GRID1: variants seen among roughly 807,000 people sequenced by gnomAD.
GRID1 encodes the protein glutamate ionotropic receptor delta type subunit 1, also known as glutamate receptor ionotropic, delta-1.
Under a neutral mutation model 98.0 loss-of-function variants are expected in GRID1, and 28 were observed. The observed-to-expected ratio is 0.29, with a 90% CI of 0.21 to 0.39. The LOEUF (loss-of-function observed/expected upper bound fraction) is 0.39. GRID1 is among the 10% of genes least tolerant of loss of function. The pLI, the probability that GRID1 is intolerant of heterozygous loss-of-function variation, is 1.00. For missense variants in GRID1, 1,111 were observed against 1,340.5 expected, an observed-to-expected ratio of 0.83 and a Z score of 2.67; for synonymous variants, 553 against 538.5, an observed-to-expected ratio of 1.03 and a Z score of -0.37.
At position 86,195,499 on chromosome 10, in the gene GRID1, C is replaced by A. The variant is rs1441164703; in HGVS notation, c.520+10865G>T. ...GACATTAGAAGCCTCTGCAAATTCT[C>A]TCTGGATGTGTGAAGGAAATAAACA... On this transcript the variant is annotated intron_variant, in intron 3 of 15. Coordinates refer to ENST00000327946, the MANE Select transcript of GRID1 (RefSeq NM_017551.3). The surrounding 1 kb of genome is among the most constrained non-coding windows in gnomAD (Gnocchi z 4.4). Among the ~76,000 whole-genome samples the A allele has an allele frequency of 6.6e-6, 1 of 152,128 alleles. No homozygotes were observed. The highest frequency in any genetic ancestry group is 1.5e-5 in the Non-Finnish European group (1 of 67,978).
At chr10:86,119,837 C>T (rs1844640272) in intron 4 of GRID1, among the ~76,000 whole-genome samples, 1 of 152,138 alleles carries the variant, frequency 6.6e-6, no homozygotes, top group African/African-American at 2.4e-5. Context: ...GTCGCCCAGG[C>T]TGGAGTGCAG....
Position 86,023,852 on chromosome 10 carries a change from C to T in GRID1, c.727-107613G>A, listed in dbSNP as rs184176262. On this transcript the variant is annotated intron_variant, in intron 4 of 15. Transcript: ENST00000327946. ...AATCAAGTAAGTTCCCTTCCTGTCC[C>T]GGCACTACACATGACAAGGGCCTCA... Among the ~76,000 whole-genome samples, 115 of 152,222 alleles carry T rather than the reference C, an allele frequency of 7.6e-4. 2 individuals carry two copies. The highest frequency in any genetic ancestry group is 3.7e-3 in the Admixed American group (57 of 15,286).
At chr10:85,700,603 G>T (rs1841440109) in intron 12 of GRID1, among the ~76,000 whole-genome samples, 1 of 152,126 alleles carries the variant, frequency 6.6e-6, no homozygotes, top group South Asian at 2.1e-4. Context: ...TTTTTCAAAT[G>T]ACTCTGCTGT....
chr10:85,795,741 A>G (rs1842520540), intron 8 of GRID1, among the ~76,000 whole-genome samples: 1 of 152,206 alleles, frequency 6.6e-6, no homozygotes, highest in African/African-American at 2.4e-5. Flanking sequence ...GCCAAGACAG[A>G]TTACAAAGAA....
intron 12 of GRID1, among the ~76,000 whole-genome samples, chr10:85,689,226 C>A (rs1053429408): frequency 1.3e-5 from 2 of 152,000 alleles, no homozygotes; most frequent in African/African-American, 4.8e-5. Context: ...TCTTTATAAG[C>A]ATTTTGGAAC....
intron 8 of GRID1, among the ~76,000 whole-genome samples, chr10:85,785,736 CA>C (rs1426803289): frequency 2.0e-5 from 3 of 152,136 alleles, no homozygotes; most frequent in African/African-American, 7.2e-5. Flanking sequence ...ACTTTACCAC[CA>C]CAGCCATCTC....
At chr10:85,963,217 A>G (rs1273387446) in intron 4 of GRID1, among the ~76,000 whole-genome samples, 2 of 152,136 alleles carry the variant, frequency 1.3e-5, no homozygotes, top group African/African-American at 4.8e-5. Context: ...AAAAAAAAAA[A>G]GATTCTTCTG....
chr10:86,244,005 TATAC>T, intron 2 of GRID1, among the ~76,000 whole-genome samples: 1 of 152,292 alleles, frequency 6.6e-6, no homozygotes, highest in South Asian at 2.1e-4. Flanking sequence ...TGTACACATA[TATAC>T]ATACATGTAT....
chr10:85,784,177 T>C (rs1368002942), intron 8 of GRID1, among the ~76,000 whole-genome samples: 1 of 152,206 alleles, frequency 6.6e-6, no homozygotes, highest in African/African-American at 2.4e-5. Flanking sequence ...AGAATTATTT[T>C]GAGGGTCTAA....
intron 2 of GRID1, among the ~76,000 whole-genome samples, chr10:86,278,443 G>A (rs913727561): frequency 6.6e-6 from 1 of 150,962 alleles, no homozygotes; most frequent in Non-Finnish European, 1.5e-5. Flanking sequence ...CAAAAAAAAT[G>A]ATAAAATAGA....
In GRID1 at chr10:86,192,977, C is replaced by T. The variant is rs929466918; in HGVS notation, c.520+13387G>A. On this transcript the variant is annotated intron_variant, in intron 3 of 15. Transcript: ENST00000327946. The surrounding 1 kb of genome is among the most constrained non-coding windows in gnomAD (Gnocchi z 4.8). ...CCAGAGCGTGTGTCTCAGGAGAGCC[C>T]GGGAGGATGGGAAGCAAGGAAGACA... 1.3e-5 allele frequency among the ~76,000 whole-genome samples: 2 copies of T among 151,868 alleles called. No homozygotes were observed. Among genetic ancestry groups the T allele is most frequent in the African/African-American group, 2.4e-5 (1 of 41,370 alleles).
chr10:85,853,336 T>C (rs1031370786), intron 8 of GRID1, among the ~76,000 whole-genome samples: 6 of 152,222 alleles, frequency 3.9e-5, no homozygotes, highest in Admixed American at 3.3e-4. Flanking sequence ...GGCTCTTTGC[T>C]GAGGGCTTAT....
intron 8 of GRID1, among the ~76,000 whole-genome samples, chr10:85,783,851 C>T (rs1440973296): frequency 6.6e-6 from 1 of 152,170 alleles, no homozygotes; most frequent in Non-Finnish European, 1.5e-5. Context: ...AAAATAAAAC[C>T]TCCCAAGAGT....
intron 2 of GRID1, among the ~76,000 whole-genome samples, chr10:86,273,706 G>A (rs565431210): frequency 0.039 from 5,977 of 152,122 alleles, 207 homozygotes; most frequent in Admixed American, 0.11. Context: ...CTGCATAAAT[G>A]TCTTCTTTTG....
intron 5 of GRID1, among the ~76,000 whole-genome samples, chr10:85,892,503 T>A (rs1841217358): frequency 6.6e-6 from 1 of 151,454 alleles, no homozygotes; most frequent in South Asian, 2.1e-4. Context: ...TGAGTCCTCA[T>A]CAAGGCAAGC....
At chr10:85,800,763 G>T (rs557226701) in intron 8 of GRID1, among the ~76,000 whole-genome samples, 1 of 152,020 alleles carries the variant, frequency 6.6e-6, no homozygotes, top group Non-Finnish European at 1.5e-5. Context: ...CAGCACGAGT[G>T]CTTTGCAGTT....
intron 8 of GRID1, among the ~76,000 whole-genome samples, chr10:85,824,420 C>G (rs767143830): frequency 7.2e-5 from 11 of 152,196 alleles, no homozygotes; most frequent in Non-Finnish European, 1.5e-4. Context: ...CCATGTTGGC[C>G]AGGCTAGTCT....
intron 4 of GRID1, among the ~76,000 whole-genome samples, chr10:86,100,404 T>A (rs1193837546): frequency 1.3e-5 from 2 of 151,908 alleles, no homozygotes; most frequent in African/African-American, 4.8e-5. Flanking sequence ...GCTGGAGATA[T>A]AGGATTAAAA....
rs1843207202 is a variant in GRID1, at chr10:85,647,253, C to T, written c.2142G>A (p.Lys714=). 1 of 1,614,144 alleles carries T rather than the reference C, an allele frequency of 6.2e-7. No individual in the cohort carries two copies. The highest frequency in any genetic ancestry group is 8.5e-7 in the Non-Finnish European group (1 of 1,180,054). The change falls in exon 13 of 16, where the codon AAG becomes AAA. Residue 714 remains lysine (K), a synonymous_variant. Coordinates refer to ENST00000327946, the MANE Select transcript of GRID1 (RefSeq NM_017551.3). ...ACACGCAGTTGTCAGCCCCTCCGTT[C>T]TTGCTGATGGTCCGCCAGAGTTCAG... ...TFAELWRTIS[K]NGGADNCVSS...
Sources: allele counts gnomAD v4.1 joint callset (sites outside exome capture counted in the v4.1 genomes callset), GRCh38; gene constraint gnomAD v4.1.1; non-coding constraint Gnocchi (gnomAD v3.1); transcripts MANE v1.5; gene names NCBI Gene and HGNC (gene_info 2026-07-23, HGNC 2026-07-21).